MDM4: variants seen among roughly 807,000 people sequenced by gnomAD.
MDM4 encodes MDM4 regulator of p53, also known as protein Mdm4.
Under a neutral mutation model 60.2 loss-of-function variants are expected in MDM4, and 2 were observed. That is an observed-to-expected ratio of 0.03 (90% CI 0.01 to 0.10). The LOEUF is 0.10. Ranked by LOEUF, MDM4 falls within the 10% of genes least tolerant of loss-of-function variation. MDM4 has a pLI of 1.00. For synonymous variants in MDM4, 202 were observed against 198.1 expected (o/e 1.02, Z -0.17); for missense variants, 447 against 577.5 (o/e 0.77, Z 2.32).
chr1:204,526,240 A>G lies in MDM4; in HGVS notation c.79-120A>G, dbSNP rs565250968. 1.3e-4 allele frequency: 103 copies of G among 774,236 alleles called. 2 individuals are homozygous for G. The South Asian group carries it at 1.5e-3, about 12-fold the overall frequency. The allele number at this position is 774,236 out of a possible 1,614,324, so 48.0% of individuals were successfully genotyped here. On this transcript the variant is annotated intron_variant, in intron 2 of 10. Coordinates refer to ENST00000367182, the MANE Select transcript of MDM4 (RefSeq NM_002393.5). ...CACTGCACTCCAGCCAAGGCGACAG[A>G]GCAAGACCTTGCCTCAAAAAACAAA... is the stretch of plus-strand genomic sequence containing the variant.
intron 7 of MDM4, among the ~76,000 whole-genome samples, chr1:204,539,964 T>C (rs1170123993): frequency 1.3e-5 from 2 of 152,160 alleles, no homozygotes; most frequent in East Asian, 3.9e-4. Flanking sequence ...CTTCAGGCTA[T>C]GTGTACAAGG....
At chr1:204,546,749 C>G in intron 9 of MDM4, 48 bp from the exon 10 acceptor site, 2 of 1,268,348 alleles carry the variant, frequency 1.6e-6, no homozygotes, top group Non-Finnish European at 2.3e-6. Flanking sequence ...TAATTAGCCT[C>G]ATCTAAAACA....
At chr1:204,543,167 C>G (rs187436273) in intron 8 of MDM4, among the ~76,000 whole-genome samples, 1 of 152,290 alleles carries the variant, frequency 6.6e-6, no homozygotes, top group African/African-American at 2.4e-5. Flanking sequence ...AACAACTCTA[C>G]TTAGAGGATT....
intron 3 of MDM4, among the ~76,000 whole-genome samples, chr1:204,527,305 G>C (rs1343689723): frequency 6.6e-6 from 1 of 151,972 alleles, no homozygotes; most frequent in Non-Finnish European, 1.5e-5. Context: ...AGAAAAAAAA[G>C]ACACTGTCTG....
chr1:204,518,613 G>A (rs558297100), intron 1 of MDM4, among the ~76,000 whole-genome samples: 1 of 152,286 alleles, frequency 6.6e-6, no homozygotes, highest in East Asian at 1.9e-4. Context: ...CTCTTTTAGT[G>A]ATAAGGTTGG....
intron 3 of MDM4, among the ~76,000 whole-genome samples, chr1:204,527,479 C>T (rs1387344571): frequency 6.6e-6 from 1 of 152,034 alleles, no homozygotes; most frequent in African/African-American, 2.4e-5. Flanking sequence ...CATGGAGAAA[C>T]CCCATCTCTA....
intron 5 of MDM4, chr1:204,536,862 T>C (rs1572494258): frequency 3.2e-6 from 1 of 309,058 alleles, no homozygotes; most frequent in African/African-American, 2.3e-5. Flanking sequence ...AAAATTAATT[T>C]ATATACAGGT....
At chr1:204,526,331 A>G (rs1374607402) in intron 2 of MDM4, 29 bp from the exon 3 acceptor site, 4 of 1,571,526 alleles carry the variant, frequency 2.5e-6, no homozygotes, top group Admixed American at 1.7e-5. Context: ...TGAAATGTAA[A>G]TAGCACATTT....
chr1:204,547,337 G>A (rs1295899963), intron 10 of MDM4, among the ~76,000 whole-genome samples: 1 of 152,174 alleles, frequency 6.6e-6, no homozygotes, highest in Non-Finnish European at 1.5e-5. Context: ...AGTATTAATG[G>A]AGGACTATTA....
At chr1:204,534,170 C>A (rs1159079230) in intron 5 of MDM4, among the ~76,000 whole-genome samples, 1 of 152,218 alleles carries the variant, frequency 6.6e-6, no homozygotes. Flanking sequence ...TTTGAACTTA[C>A]TGAATTTTGA....
At chr1:204,525,250 T>C in intron 1 of MDM4, 3 of 797,062 alleles carry the variant, frequency 3.8e-6, no homozygotes, top group South Asian at 5.6e-5. Context: ...AAACTGTTAC[T>C]GTTTCAGCCT....
At chr1:204,541,686 T>G (rs1662100501) in intron 7 of MDM4, among the ~76,000 whole-genome samples, 1 of 152,094 alleles carries the variant, frequency 6.6e-6, no homozygotes, top group Non-Finnish European at 1.5e-5. Context: ...AAGAATAACT[T>G]TAATATGGCA....
At chr1:204,538,334 G>T in intron 7 of MDM4, 26 bp downstream of exon 7, 1 of 1,266,316 alleles carries the variant, frequency 7.9e-7, no homozygotes, top group South Asian at 1.2e-5. Context: ...AGGCTATATA[G>T]ACTTTTGTTC....
rs2102480688 is a variant in MDM4, at chr1:204,554,882, C to CATT, written c.*5204_*5206dup. The CATT allele has an allele frequency of 4.4e-6, 1 of 225,096 alleles. No homozygotes were observed. The highest frequency in any genetic ancestry group is 5.7e-5 in the Admixed American group (1 of 17,516). The allele number at this position is 225,096 out of a possible 1,614,324, so 13.9% of individuals were successfully genotyped here. A position where few individuals can be genotyped will look rare whatever the true frequency, so the allele number is the denominator to read the frequency against. ...CAGATCTTTTGATGTGCACTAATGC[C>CATT]ATTATTGGTAATGCCGTTATTGGTG... is the stretch of plus-strand genomic sequence containing the variant. On this transcript the variant is annotated 3_prime_UTR_variant, in exon 11 of 11. Transcript: ENST00000367182.
In MDM4 at chr1:204,530,823, AACAGTG is replaced by A. The variant is rs929568551; in HGVS notation, c.287+8_287+13del. 6.2e-7 allele frequency: 1 copy of A among 1,614,032 alleles called. No homozygotes were observed. Among genetic ancestry groups the A allele is most frequent in the African/African-American group, 1.3e-5 (1 of 74,922 alleles). Reference sequence around the variant, plus strand: ...TTCTCCGTGAAAGACCCAAGGTAAAAACAGTGAGGGCTTGCGTATCTTTTTGGGTGC... The same window carrying A: ...TTCTCCGTGAAAGACCCAAGGTAAAAAGGGCTTGCGTATCTTTTTGGGTGC... On this transcript the variant is annotated splice_region_variant and intron_variant, in intron 4 of 10. Coordinates refer to ENST00000367182, the MANE Select transcript of MDM4 (RefSeq NM_002393.5).
rs1355397402 is a variant in MDM4, at chr1:204,553,092, C to G, written c.*3410C>G. 1 of 172,928 alleles carries G rather than the reference C, an allele frequency of 5.8e-6. No individual in the cohort carries two copies. The highest frequency in any genetic ancestry group is 1.1e-4 in the East Asian group (1 of 9,492). 10.7% of individuals were successfully genotyped at this position (172,928 alleles called of 1,614,324 possible). The stretch of plus-strand genomic sequence containing the variant: ...TTCACCATGTTGGTCAGGCTGGTCT[C>G]GAACTCCTGACCTCAGGTCATCCAC... On this transcript the variant is annotated 3_prime_UTR_variant, in exon 11 of 11. Transcript: ENST00000367182.
At chr1:204,533,199 G>A (rs1661046469) in intron 5 of MDM4, among the ~76,000 whole-genome samples, 1 of 152,234 alleles carries the variant, frequency 6.6e-6, no homozygotes, top group East Asian at 1.9e-4. Flanking sequence ...GGAGTCTGGA[G>A]TCTCCAAAAT....
chr1:204,530,329 A>G (rs1157369008), intron 3 of MDM4, among the ~76,000 whole-genome samples: 1 of 152,230 alleles, frequency 6.6e-6, no homozygotes, highest in African/African-American at 2.4e-5. Context: ...GACTGGGAAA[A>G]TATTTTTATA....
At position 204,551,299 on chromosome 1, in the gene MDM4, G is replaced by A. The variant is rs1663176737; in HGVS notation, c.*1617G>A. The A allele has an allele frequency of 4.4e-6, 1 of 229,244 alleles. No homozygotes were observed. The highest frequency in any genetic ancestry group is 8.7e-6 in the Non-Finnish European group (1 of 115,580). 14.2% of individuals were successfully genotyped at this position (229,244 alleles called of 1,614,324 possible). On this transcript the variant is annotated 3_prime_UTR_variant, in exon 11 of 11. Transcript: ENST00000367182. ...AGCCTCAAGCAACCCTCCTGCCTCA[G>A]CCTCTCAAAGTGCTAGGATTGCAGT...
Sources: gnomAD v4.1 joint callset for allele counts (sites outside exome capture counted in the v4.1 genomes callset) on GRCh38, gnomAD v4.1.1 for gene constraint, MANE v1.5 for transcripts, NCBI Gene and HGNC (gene_info 2026-07-23, HGNC 2026-07-21) for gene names.